Variants in RYR3 observed in about 807,000 individuals in gnomAD.
RYR3 encodes brain ryanodine receptor-calcium release channel.
A neutral mutation model predicts 584.3 loss-of-function variants in RYR3; 207 were observed. That is an observed-to-expected ratio of 0.35 (90% confidence interval 0.32 to 0.40). The LOEUF (loss-of-function observed/expected upper bound fraction) is 0.40. Among genes scored for constraint, RYR3 ranks in the 10% least tolerant of loss-of-function variants. The pLI is 1.00. For missense variants in RYR3, 5,616 were observed against 6,089.2 expected (o/e 0.92, Z 2.59); for synonymous variants, 2,416 against 2,248.5 (o/e 1.07, Z -2.11).
chr15:33,694,997 A>G (rs2065733864), intron 38 of RYR3, among the ~76,000 whole-genome samples: 1 of 152,228 alleles, frequency 6.6e-6, no homozygotes, highest in African/African-American at 2.4e-5. Context: ...TCTGCCATCT[A>G]TAGTGATGTG....
intron 1 of RYR3, among the ~76,000 whole-genome samples, chr15:33,379,687 C>CTCTCTCTCTCTCTCTCTCTCTATATATA: frequency 1.7e-4 from 21 of 125,500 alleles, no homozygotes; most frequent in African/African-American, 7.5e-4. Flanking sequence ...CTCTCTCTCT[C>CTCTCTCTCTCTCTCTCTCTCTATATATA]TATATATATA....
chr15:33,632,659 T>C (rs896293030), intron 23 of RYR3, among the ~76,000 whole-genome samples: 1 of 152,224 alleles, frequency 6.6e-6, no homozygotes, highest in African/African-American at 2.4e-5. Flanking sequence ...GCCCATTATT[T>C]CTAGAGAACA....
chr15:33,811,183 C>G, intron 72 of RYR3, 146 bp downstream of exon 72: 1 of 707,736 alleles, frequency 1.4e-6, no homozygotes, highest in Non-Finnish European at 2.4e-6. Flanking sequence ...AGGACTAGCT[C>G]TCTCTTTTTT....
At chr15:33,564,964 C>A (rs997280056) in intron 11 of RYR3, among the ~76,000 whole-genome samples, 1 of 152,086 alleles carries the variant, frequency 6.6e-6, no homozygotes, top group Non-Finnish European at 1.5e-5. Flanking sequence ...ATGAAATGAA[C>A]AAAACAGTAA....
At chr15:33,399,931 A>C (rs2042543251) in intron 1 of RYR3, among the ~76,000 whole-genome samples, 1 of 152,160 alleles carries the variant, frequency 6.6e-6, no homozygotes, top group Admixed American at 6.5e-5. Context: ...CACATACCAC[A>C]ACAGAGCACC....
intron 43 of RYR3, among the ~76,000 whole-genome samples, chr15:33,712,516 C>T (rs1164743596): frequency 6.6e-6 from 1 of 152,128 alleles, no homozygotes; most frequent in African/African-American, 2.4e-5. Context: ...TTTCTGTGTA[C>T]AGTACCCATA....
In RYR3 at chr15:33,540,951, T is replaced by G; in HGVS notation, c.646+61T>G. 3 of 1,054,596 alleles carry G rather than the reference T, an allele frequency of 2.8e-6. No homozygotes were observed. In the East Asian group the frequency reaches 7.2e-5, roughly 25 times the overall value. 65.3% of individuals were successfully genotyped at this position (1,054,596 alleles called of 1,614,324 possible). ...CCTATCTCTCTTGAGCTGTATACATTGACATTTTCTGCTACTTCCCAGATC... is the reference window on the plus strand; with the variant it reads ...CCTATCTCTCTTGAGCTGTATACATGGACATTTTCTGCTACTTCCCAGATC... On this transcript the variant is annotated intron_variant, in intron 7 of 103. Coordinates refer to ENST00000634891, the MANE Select transcript of RYR3 (RefSeq NM_001036.6).
chr15:33,707,791 T>C (rs1396080655), intron 43 of RYR3, among the ~76,000 whole-genome samples: 1 of 152,186 alleles, frequency 6.6e-6, no homozygotes, highest in Middle Eastern at 3.2e-3. Context: ...CAAAGAGAGA[T>C]TGCAGCTAAC....
At chr15:33,391,980 T>G (rs932720524) in intron 1 of RYR3, among the ~76,000 whole-genome samples, 9 of 152,122 alleles carry the variant, frequency 5.9e-5, no homozygotes, top group Admixed American at 5.9e-4. Context: ...AGCTGCTTCT[T>G]AAGGGAAAGG....
At chr15:33,584,972 A>G (rs2058773229) in intron 15 of RYR3, among the ~76,000 whole-genome samples, 1 of 152,054 alleles carries the variant, frequency 6.6e-6, no homozygotes, top group Non-Finnish European at 1.5e-5. Context: ...CCTTCACATC[A>G]TATCTATAGT....
intron 1 of RYR3, among the ~76,000 whole-genome samples, chr15:33,406,377 T>G (rs946956109): frequency 2.6e-5 from 4 of 152,240 alleles, no homozygotes; most frequent in African/African-American, 7.2e-5. Flanking sequence ...CTCTCAGGAA[T>G]CTTTCAGCTG....
At chr15:33,595,469 TTTAACATTA>T (rs2059326002) in intron 16 of RYR3, among the ~76,000 whole-genome samples, 1 of 152,198 alleles carries the variant, frequency 6.6e-6, no homozygotes, top group South Asian at 2.1e-4. Flanking sequence ...TCAGTTTGCC[TTTAACATTA>T]ATAATTAGTT....
intron 3 of RYR3, among the ~76,000 whole-genome samples, chr15:33,518,085 T>C (rs1302430920): frequency 5.9e-5 from 9 of 152,196 alleles, no homozygotes; most frequent in Non-Finnish European, 1.3e-4. Flanking sequence ...TTTCCAGTGA[T>C]TTATATAGCC....
At chr15:33,854,727 G>C (rs770616302) in intron 97 of RYR3, 39 bp from the exon 98 acceptor site, 1 of 1,576,356 alleles carries the variant, frequency 6.3e-7, no homozygotes, top group South Asian at 1.2e-5. Context: ...CACACTATGA[G>C]GCAAACATGC....
intron 10 of RYR3, among the ~76,000 whole-genome samples, chr15:33,560,257 T>C (rs569356149): frequency 7.2e-5 from 11 of 152,334 alleles, no homozygotes; most frequent in Non-Finnish European, 1.6e-4. Flanking sequence ...TGGGTTGTTT[T>C]TCATATGGAT....
chr15:33,433,826 A>ACT (rs2045418894), intron 1 of RYR3, among the ~76,000 whole-genome samples: 1 of 152,134 alleles, frequency 6.6e-6, no homozygotes, highest in Non-Finnish European at 1.5e-5. Context: ...TTTTAAGTAA[A>ACT]CTGATGCATT....
chr15:33,400,330 A>G (rs1595978036), intron 1 of RYR3, among the ~76,000 whole-genome samples: 1 of 151,994 alleles, frequency 6.6e-6, no homozygotes, highest in Admixed American at 6.5e-5. Flanking sequence ...GGAATGATCA[A>G]CCCTACCTAC....
chr15:33,833,502 C>T (rs1470711462), intron 86 of RYR3, among the ~76,000 whole-genome samples: 2 of 152,176 alleles, frequency 1.3e-5, no homozygotes, highest in Non-Finnish European at 2.9e-5. Flanking sequence ...GTTATAAGGA[C>T]ATGAAGTGAT....
intron 1 of RYR3, among the ~76,000 whole-genome samples, chr15:33,410,286 G>A (rs2043311665): frequency 6.6e-6 from 1 of 152,154 alleles, no homozygotes. Flanking sequence ...AACTGAACAG[G>A]AGCCTTTGAT....
Sources: allele counts gnomAD v4.1 joint callset (sites outside exome capture counted in the v4.1 genomes callset), GRCh38; gene constraint gnomAD v4.1.1; transcripts MANE v1.5; gene names NCBI Gene and HGNC (gene_info 2026-07-23, HGNC 2026-07-21).